The following ITPA variants were observed in gnomAD, a reference collection of about 807,000 sequenced individuals.
ITPA encodes inosine triphosphatase, also known as inosine triphosphate pyrophosphatase.
Under a neutral mutation model 29.6 loss-of-function variants are expected in ITPA, and 29 were observed. The ratio of observed to expected loss-of-function variants is 0.98; its 90% CI spans 0.73 to 1.34. The LOEUF (loss-of-function observed/expected upper bound fraction) is 1.34, where lower values mean the gene tolerates loss of function less well. Among genes scored for constraint, ITPA ranks in the 40% most tolerant of loss-of-function variants. ITPA has a pLI of 0.00. For missense variants in ITPA, 241 were observed against 251.5 expected (o/e 0.96, Z 0.28); for synonymous variants, 103 against 99.3 (o/e 1.04, Z -0.22).
chr20:3,222,641 C>T (rs907213381), intron 7 of ITPA, among the ~76,000 whole-genome samples: 1 of 152,202 alleles, frequency 6.6e-6, no homozygotes, highest in African/African-American at 2.4e-5. Context: ...TCGCACAAAT[C>T]GCCCCTTGTT....
At chr20:3,210,493 G>C (rs2067146929) in intron 1 of ITPA, among the ~76,000 whole-genome samples, 1 of 152,170 alleles carries the variant, frequency 6.6e-6, no homozygotes, top group Non-Finnish European at 1.5e-5. Flanking sequence ...GGGGGATCAG[G>C]ATGACACCCA....
chr20:3,204,417 CG>C, upstream of ITPA: 2 of 1,000,778 alleles, frequency 2.0e-6, no homozygotes, highest in Non-Finnish European at 2.9e-6. Context: ...AGCGCACGGA[CG>C]CGCATGCGTC....
At chr20:3,204,070 G>A (rs985976184), upstream of ITPA, among the ~76,000 whole-genome samples, 1 of 152,178 alleles carries the variant, frequency 6.6e-6, no homozygotes, top group Non-Finnish European at 1.5e-5. Context: ...AAGGGAGAGA[G>A]CTTCAGGAAT....
chr20:3,220,533 T>C (rs913925517), intron 6 of ITPA, among the ~76,000 whole-genome samples: 2 of 152,028 alleles, frequency 1.3e-5, no homozygotes, highest in African/African-American at 4.8e-5. Context: ...ACCACCTCCG[T>C]TGTATTTTTT....
At chr20:3,207,101 G>T (rs946607212), upstream of ITPA, among the ~76,000 whole-genome samples, 7 of 152,158 alleles carry the variant, frequency 4.6e-5, no homozygotes, top group Middle Eastern at 3.4e-3. Flanking sequence ...TTTGTTTGTT[G>T]GTTTTTTGAG....
intron 1 of ITPA, 70 bp from the exon 2 acceptor site, chr20:3,213,099 G>C (rs2067210233): frequency 1.4e-6 from 2 of 1,452,104 alleles, no homozygotes; most frequent in Non-Finnish European, 1.9e-6. Flanking sequence ...GAGAAAGGCG[G>C]ATGACAGCTC....
intron 1 of ITPA, among the ~76,000 whole-genome samples, chr20:3,212,838 C>T (rs1478077636): frequency 6.6e-6 from 1 of 152,020 alleles, no homozygotes; most frequent in African/African-American, 2.4e-5. Context: ...GTTCATAGGC[C>T]TTCTGAATTC....
Position 3,218,572 on chromosome 20 carries a change from GT to G in ITPA, c.354del (p.Phe118LeufsTer106). On this transcript the variant is annotated frameshift_variant, in exon 6 of 8. Coordinates refer to ENST00000380113, the MANE Select transcript of ITPA (RefSeq NM_033453.4). LOFTEE classifies it high-confidence loss of function. ...ACAAGTCAGCCTATGCGCTCTGCACGTTTGCACTCAGCACCGGGGACCCAAG... is the reference window on the plus strand; with the variant it reads ...ACAAGTCAGCCTATGCGCTCTGCACGTTGCACTCAGCACCGGGGACCCAAG... ...EDKSAYALCTFALSTGDPSQP... is the reference protein window; with the variant it reads ...EDKSAYALCTXALSTGDPSQP... 1 of 1,613,940 alleles carries G rather than the reference GT, an allele frequency of 6.2e-7. No individual in the cohort carries two copies. Among genetic ancestry groups the G allele is most frequent in the East Asian group, 2.2e-5 (1 of 44,876 alleles).
At chr20:3,216,891 A>AT (rs2067315214) in intron 5 of ITPA, among the ~76,000 whole-genome samples, 4 of 150,460 alleles carry the variant, frequency 2.7e-5, no homozygotes, top group East Asian at 2.0e-4. Flanking sequence ...AGCCTATTTT[A>AT]TTTTTTTGAG....
In ITPA at chr20:3,214,054, T is replaced by G. The variant is rs969131963; in HGVS notation, c.259T>G (p.Tyr87Asp). The G allele has an allele frequency of 9.3e-6, 15 of 1,614,026 alleles. No homozygotes were observed. Among genetic ancestry groups the G allele is most frequent in the Non-Finnish European group, 1.2e-5 (14 of 1,180,002 alleles). The change falls in exon 4 of 8, where the codon TAC (tyrosine) becomes GAC (aspartate). Residue 87 changes from tyrosine to aspartate, a missense_variant. Transcript: ENST00000380113. ...TGCCCTTGGAGGGCTCCCCGGCCCC[T>G]ACATGTGAGTGACTACCTCCACCCC... is the stretch of plus-strand genomic sequence containing the variant. The part of the protein sequence containing the change: ...FNALGGLPGP[Y>D]IKWFLEKLKP...
chr20:3,218,402 G>A lies in ITPA; in HGVS notation c.296-115G>A, dbSNP rs2067366328. ...CTGCCGCCCCCGCTACCCCAATTGA[G>A]ACCTAATTTCCCCTTTTAGGGAATT... On this transcript the variant is annotated intron_variant, in intron 5 of 7. Transcript: ENST00000380113. The A allele has an allele frequency of 6.5e-6, 5 of 770,018 alleles. No individual in the cohort carries two copies. In the South Asian group the frequency reaches 7.3e-5, roughly 11 times the overall value. 47.7% of individuals were successfully genotyped at this position (770,018 alleles called of 1,614,324 possible). A position where few individuals can be genotyped will look rare whatever the true frequency, so the allele number is the denominator to read the frequency against.
At chr20:3,215,131 T>G in intron 4 of ITPA, 150 bp from the exon 5 acceptor site, 2 of 742,886 alleles carry the variant, frequency 2.7e-6, no homozygotes, top group Non-Finnish European at 4.8e-6. Context: ...CCTCCCAAAG[T>G]GCTGGGATTA....
intron 5 of ITPA, among the ~76,000 whole-genome samples, chr20:3,217,966 G>A (rs1421668033): frequency 6.7e-6 from 1 of 149,136 alleles, no homozygotes; most frequent in Non-Finnish European, 1.5e-5. Flanking sequence ...CGCCCAGGCT[G>A]GAGTGCAGTG....
At chr20:3,224,548 A>C (rs997026794), downstream of ITPA, among the ~76,000 whole-genome samples, 10 of 150,990 alleles carry the variant, frequency 6.6e-5, no homozygotes, top group Non-Finnish European at 1.3e-4. Context: ...TCATTCCTTC[A>C]CTCCCCTCTT....
downstream of ITPA, among the ~76,000 whole-genome samples, chr20:3,226,763 C>T (rs1279027854): frequency 2.0e-5 from 3 of 152,152 alleles, no homozygotes; most frequent in East Asian, 5.8e-4. This position sits in a 1 kb window ranked among gnomAD's most constrained non-coding sequence, Gnocchi z 4.4. Context: ...GTGATGTGAG[C>T]CCCAGGTGTT....
chr20:3,224,174 G>C (rs146468847), downstream of ITPA, among the ~76,000 whole-genome samples: 5 of 152,158 alleles, frequency 3.3e-5, no homozygotes, highest in Non-Finnish European at 7.3e-5. Context: ...CATCAGAGCC[G>C]CGAAAATGTT....
chr20:3,221,501 G>C (rs1261819548), intron 6 of ITPA, among the ~76,000 whole-genome samples: 3 of 149,418 alleles, frequency 2.0e-5, no homozygotes, highest in Non-Finnish European at 4.5e-5. Context: ...AACGTTTTCT[G>C]TCTATCTTTC....
At chr20:3,204,470 G>T, upstream of ITPA, 3 of 1,468,082 alleles carry the variant, frequency 2.0e-6, no homozygotes, top group South Asian at 3.7e-5. Context: ...GCGGCGCGAC[G>T]GTCCACAAAG....
At chr20:3,223,897 G>T (rs77614844), downstream of ITPA, 2,339 of 162,946 alleles carry the variant, frequency 0.014, 55 homozygotes, top group African/African-American at 0.054. Context: ...AGTCTCCTTT[G>T]GCAGGTGCAG....
Sources: gnomAD v4.1 joint callset for allele counts (sites outside exome capture counted in the v4.1 genomes callset) on GRCh38, gnomAD v4.1.1 for gene constraint, Gnocchi (gnomAD v3.1) non-coding constraint, MANE v1.5 for transcripts, NCBI Gene and HGNC (gene_info 2026-07-23, HGNC 2026-07-21) for gene names.